VPS13B: variants seen among roughly 807,000 people sequenced by gnomAD.
The protein encoded by VPS13B is intermembrane lipid transfer protein VPS13B.
A neutral mutation model predicts 426.4 loss-of-function variants in VPS13B; 285 were observed. That is an observed-to-expected ratio of 0.67 (90% CI 0.61 to 0.74). VPS13B has a LOEUF of 0.74. VPS13B is among the 30% of genes least tolerant of loss of function. The pLI is 0.00. For missense variants in VPS13B, 4,537 were observed against 4,782.6 expected, an observed-to-expected ratio of 0.95 and a Z score of 1.51; for synonymous variants, 1,676 against 1,676.4, an observed-to-expected ratio of 1.00 and a Z score of 0.01.
rs180759378 is a variant in VPS13B, at chr8:99,776,183, G to A, written c.7248-592G>A. Among the ~76,000 whole-genome samples the A allele has an allele frequency of 3.3e-5, 5 of 152,282 alleles. No individual in the cohort carries two copies. In the East Asian group the frequency reaches 5.8e-4, roughly 18 times the overall value. On this transcript the variant is annotated intron_variant, in intron 40 of 61. Coordinates refer to ENST00000357162, the MANE Select transcript of VPS13B (RefSeq NM_152564.5). ...TTTTTGAGTGGCAGAGTCATACTCT[G>A]AACTGCATTGATCTTAAACTAATAA...
intron 17 of VPS13B, chr8:99,209,557 T>C: frequency 3.7e-6 from 1 of 267,966 alleles, no homozygotes; most frequent in South Asian, 4.2e-5. Context: ...ATGAATTATT[T>C]TAATAACAAT....
intron 16 of VPS13B, among the ~76,000 whole-genome samples, chr8:99,191,590 G>A (rs1813596650): frequency 6.6e-6 from 1 of 151,730 alleles, no homozygotes; most frequent in African/African-American, 2.4e-5. Flanking sequence ...CACCATGTTG[G>A]TCAGGCTGGT....
chr8:99,184,252 G>A (rs1050248610), intron 16 of VPS13B, among the ~76,000 whole-genome samples: 11 of 152,220 alleles, frequency 7.2e-5, no homozygotes, highest in Admixed American at 2.6e-4. Flanking sequence ...GGGTATGGTT[G>A]GATTATATAG....
intron 19 of VPS13B, among the ~76,000 whole-genome samples, chr8:99,316,813 G>GT (rs1219409571): frequency 3.9e-5 from 6 of 152,164 alleles, no homozygotes; most frequent in Admixed American, 3.9e-4. Flanking sequence ...GTCAGCCATT[G>GT]TGAAGCCCCT....
chr8:99,661,522 A>G, intron 35 of VPS13B, 31 bp downstream of exon 35: 3 of 1,608,480 alleles, frequency 1.9e-6, no homozygotes, highest in Non-Finnish European at 2.5e-6. Flanking sequence ...ACATGTGTGT[A>G]CATTTTTTAT....
At chr8:99,842,963 G>T (rs969388779) in intron 54 of VPS13B, among the ~76,000 whole-genome samples, 4 of 152,072 alleles carry the variant, frequency 2.6e-5, no homozygotes, top group African/African-American at 7.2e-5. Flanking sequence ...GACCAGCACG[G>T]GCAACATGGC....
At position 99,391,609 on chromosome 8, in the gene VPS13B, A is replaced by C. The variant is rs1486878522; in HGVS notation, c.2987A>C (p.Asp996Ala). 3 of 1,614,024 alleles carry C rather than the reference A, an allele frequency of 1.9e-6. No individual in the cohort carries two copies. In the African/African-American group the frequency reaches 4.0e-5, roughly 22 times the overall value. ...ATGCCAGTTTGTAGAAGGAAAGAGGATGAGGTGTCTATTGGAAGTGCCCCC... is the reference window on the plus strand; with the variant it reads ...ATGCCAGTTTGTAGAAGGAAAGAGGCTGAGGTGTCTATTGGAAGTGCCCCC... ...LVMPVCRRKEDEVSIGSAPLA... is the reference protein window; with the variant it reads ...LVMPVCRRKEAEVSIGSAPLA... The change falls in exon 21 of 62, where the codon GAT (aspartate) becomes GCT (alanine). Residue 996 changes from aspartate (D) to alanine (A), a missense_variant. Physicochemically the swap from Asp to Ala is moderately radical, Grantham distance 126. Coordinates refer to ENST00000357162, the MANE Select transcript of VPS13B (RefSeq NM_152564.5).
rs1445969886 is a variant in VPS13B, at chr8:99,860,156, G to T, written c.11044+676G>T. 3.3e-5 allele frequency among the ~76,000 whole-genome samples: 5 copies of T among 152,178 alleles called. No individual in the cohort carries two copies. In the East Asian group the frequency reaches 9.6e-4, roughly 29 times the overall value. ...AAAACAGGGCAAAGGGCTTCTTCCC[G>T]TAAAAGGCATCTGACTATAGGCCAT... On this transcript the variant is annotated intron_variant, in intron 57 of 61. Transcript: ENST00000357162.
intron 30 of VPS13B, among the ~76,000 whole-genome samples, chr8:99,538,134 C>T (rs925407997): frequency 6.6e-6 from 1 of 151,962 alleles, no homozygotes; most frequent in Non-Finnish European, 1.5e-5. Context: ...ATATAAAGTT[C>T]AAGATGGAAA....
chr8:99,844,492 C>T (rs982475131), intron 54 of VPS13B, among the ~76,000 whole-genome samples: 7 of 151,794 alleles, frequency 4.6e-5, no homozygotes, highest in Admixed American at 2.6e-4. Context: ...CTCAGCCTCC[C>T]GAGTAGCTGG....
chr8:99,029,556 G>A (rs1231368682), intron 2 of VPS13B, among the ~76,000 whole-genome samples: 4 of 152,212 alleles, frequency 2.6e-5, no homozygotes, highest in African/African-American at 7.2e-5. Context: ...TGGATCACTC[G>A]CGGTTAGGAG....
intron 36 of VPS13B, among the ~76,000 whole-genome samples, chr8:99,711,735 T>G (rs982223740): frequency 6.6e-6 from 1 of 152,230 alleles, no homozygotes; most frequent in African/African-American, 2.4e-5. Flanking sequence ...CACTCAGTAC[T>G]TACTGAGATT....
chr8:99,648,938 T>G (rs946280952), intron 34 of VPS13B, among the ~76,000 whole-genome samples: 5 of 149,256 alleles, frequency 3.3e-5, no homozygotes, highest in African/African-American at 7.3e-5. Context: ...TTTTCCTTCA[T>G]CTGCGAGTAC....
intron 3 of VPS13B, among the ~76,000 whole-genome samples, chr8:99,053,887 A>T (rs2132274303): frequency 6.6e-6 from 1 of 152,176 alleles, no homozygotes; most frequent in Non-Finnish European, 1.5e-5. Flanking sequence ...ATTTTTTAGT[A>T]GAGACTGGGT....
chr8:99,217,646 C>T (rs192937560), intron 17 of VPS13B, among the ~76,000 whole-genome samples: 9 of 152,096 alleles, frequency 5.9e-5, no homozygotes, highest in Admixed American at 2.6e-4. Flanking sequence ...ACAAAAGAGC[C>T]GTGCGTATAT....
intron 17 of VPS13B, among the ~76,000 whole-genome samples, chr8:99,216,247 CT>C (rs1237014998): frequency 6.6e-6 from 1 of 152,118 alleles, no homozygotes; most frequent in African/African-American, 2.4e-5. Context: ...ATACAACAAA[CT>C]TTCTTCTGCT....
At chr8:99,789,884 A>G (rs1225722918) in intron 43 of VPS13B, among the ~76,000 whole-genome samples, 1 of 152,154 alleles carries the variant, frequency 6.6e-6, no homozygotes, top group Non-Finnish European at 1.5e-5. Context: ...TCAAAATGTT[A>G]TCAGTGGTTG....
chr8:99,715,558 T>G (rs1474461750), intron 36 of VPS13B, among the ~76,000 whole-genome samples: 1 of 152,166 alleles, frequency 6.6e-6, no homozygotes, highest in Non-Finnish European at 1.5e-5. Flanking sequence ...GAGATAATAA[T>G]AACCATTAAA....
chr8:99,533,568 A>AAGAC (rs1823043536), intron 30 of VPS13B, among the ~76,000 whole-genome samples: 4 of 152,212 alleles, frequency 2.6e-5, no homozygotes, highest in Admixed American at 2.6e-4. Context: ...CTTGTTTTAC[A>AAGAC]TATATACTTT....
Sources: allele counts gnomAD v4.1 joint callset (sites outside exome capture counted in the v4.1 genomes callset), GRCh38; gene constraint gnomAD v4.1.1; transcripts MANE v1.5; gene names NCBI Gene and HGNC (gene_info 2026-07-23, HGNC 2026-07-21).